PKD1L3: variants seen among roughly 807,000 people sequenced by gnomAD.
PKD1L3 encodes polycystin-1-like protein 3.
In PKD1L3, 239 loss-of-function variants were observed where a neutral mutation model predicts 184.1. That is an observed-to-expected ratio of 1.30 (90% confidence interval 1.17 to 1.45). The LOEUF (loss-of-function observed/expected upper bound fraction) is 1.45, where lower values mean the gene tolerates loss of function less well. PKD1L3 is among the 40% of genes most tolerant of loss of function. The pLI, the probability that PKD1L3 is intolerant of heterozygous loss-of-function variation, is 0.00. For synonymous variants in PKD1L3, 996 were observed against 778.8 expected, an observed-to-expected ratio of 1.28 and a Z score of -4.64; for missense variants, 2,660 against 2,067.2, an observed-to-expected ratio of 1.29 and a Z score of -5.56.
intron 5 of PKD1L3, among the ~76,000 whole-genome samples, chr16:71,984,690 C>T (rs1171452531): frequency 3.9e-5 from 6 of 152,170 alleles, no homozygotes; most frequent in Non-Finnish European, 2.9e-5. Flanking sequence ...AAAACCCTGT[C>T]TCTACTAAAA....
chr16:71,951,488 G>T, intron 19 of PKD1L3, 76 bp downstream of exon 19: 2 of 1,391,508 alleles, frequency 1.4e-6, no homozygotes, highest in South Asian at 1.4e-5. Flanking sequence ...GGTTATGAAT[G>T]AGTAAGAAAG....
At chr16:71,938,841 C>T (rs937899457) in intron 24 of PKD1L3, among the ~76,000 whole-genome samples, 16 of 152,238 alleles carry the variant, frequency 1.1e-4, no homozygotes, top group African/African-American at 3.4e-4. Context: ...CCTCTCTCAC[C>T]CTCCAGTTGT....
chr16:71,943,435 G>C (rs1212270376), intron 23 of PKD1L3, among the ~76,000 whole-genome samples: 1 of 150,804 alleles, frequency 6.6e-6, no homozygotes. Flanking sequence ...CTAACCAGGA[G>C]GCCGAGGTAG....
intron 16 of PKD1L3, among the ~76,000 whole-genome samples, chr16:71,955,611 G>A (rs1007725002): frequency 2.0e-5 from 3 of 151,976 alleles, no homozygotes; most frequent in Non-Finnish European, 4.4e-5. Flanking sequence ...TCCCACCTCA[G>A]TGGTGTGCAG....
intron 10 of PKD1L3, 35 bp downstream of exon 10, chr16:71,978,220 C>T (rs1567537460): frequency 1.3e-6 from 2 of 1,533,278 alleles, no homozygotes; most frequent in Non-Finnish European, 8.8e-7. Flanking sequence ...ATATCCCATT[C>T]TCTTCTATTT....
Position 71,949,818 on chromosome 16 carries a change from C to T in PKD1L3, c.3583G>A (p.Val1195Met). Residue 1195 changes from valine (V) to methionine (M), a missense_variant, in exon 21 of 30, where the codon GTG (valine) becomes ATG (methionine). Val to Met is a conservative substitution (Grantham distance 21). Coordinates refer to ENST00000620267, the MANE Select transcript of PKD1L3 (RefSeq NM_181536.2). Reference sequence around the variant, plus strand: ...TGGCTGATGAAGATGTTCTGAAGCACTGATAAAATAATTGAAATCATCCAG... The same window carrying T: ...TGGCTGATGAAGATGTTCTGAAGCATTGATAAAATAATTGAAATCATCCAG... ...TSWMISIILS[V>M]LQNIFISQPV... The T allele has an allele frequency of 1.9e-6, 3 of 1,551,280 alleles. No individual in the cohort carries two copies. The highest frequency in any genetic ancestry group is 1.2e-5 in the South Asian group (1 of 84,040).
intron 5 of PKD1L3, 87 bp from the exon 6 acceptor site, chr16:71,984,254 C>A: frequency 7.3e-7 from 1 of 1,373,812 alleles, no homozygotes; most frequent in Non-Finnish European, 9.9e-7. Context: ...TCCAAGTTGA[C>A]CTTGGGTAAC....
chr16:71,991,324 C>A, intron 3 of PKD1L3: 1 of 220,878 alleles, frequency 4.5e-6, no homozygotes. Context: ...ACCGAGTCAA[C>A]CACACCCACC....
rs377693934 is a variant in PKD1L3 at position 71,973,386 on chromosome 16, C to T, written c.1891G>A (p.Ala631Thr). Residue 631 changes from alanine (A) to threonine (T), a missense_variant, in exon 12 of 30, where the codon GCC (alanine) becomes ACC (threonine). Physicochemically the swap from Ala to Thr is moderately conservative, Grantham distance 58. Transcript: ENST00000620267. ...QTPSLVSVITAVTQCYYWEIH... is the reference protein window; with the variant it reads ...QTPSLVSVITTVTQCYYWEIH... Reference sequence around the variant, plus strand: ...TCCCAGTAGTAACACTGAGTGACGGCGGTGATGACCGAGACCAAGCTGGGT... The same window carrying T: ...TCCCAGTAGTAACACTGAGTGACGGTGGTGATGACCGAGACCAAGCTGGGT... 9.0e-5 allele frequency: 139 copies of T among 1,551,644 alleles called. No individual in the cohort carries two copies. Among genetic ancestry groups the T allele is most frequent in the Middle Eastern group, 1.7e-4 (1 of 5,984 alleles).
chr16:71,964,134 A>C (rs547720050), intron 15 of PKD1L3, among the ~76,000 whole-genome samples: 7 of 151,984 alleles, frequency 4.6e-5, no homozygotes, highest in African/African-American at 1.7e-4. Context: ...TTTATCACTA[A>C]TTTCTCTGCT....
intron 22 of PKD1L3, among the ~76,000 whole-genome samples, chr16:71,946,449 T>G (rs1567499868): frequency 6.6e-6 from 1 of 152,118 alleles, no homozygotes; most frequent in Admixed American, 6.5e-5. Flanking sequence ...GCATCGTTTT[T>G]ACATGATTAA....
intron 24 of PKD1L3, among the ~76,000 whole-genome samples, chr16:71,941,513 A>C (rs2038359261): frequency 6.6e-6 from 1 of 152,010 alleles, no homozygotes; most frequent in South Asian, 2.1e-4. Context: ...AAATTAACCA[A>C]AAAAATGCAA....
chr16:71,958,441 G>T (rs1200924502), intron 16 of PKD1L3, among the ~76,000 whole-genome samples: 1 of 148,010 alleles, frequency 6.8e-6, no homozygotes, highest in Non-Finnish European at 1.5e-5. Context: ...ACTATTAAAA[G>T]AGCTACTTCA....
intron 24 of PKD1L3, among the ~76,000 whole-genome samples, chr16:71,940,691 G>A (rs1261157223): frequency 6.6e-6 from 1 of 151,832 alleles, no homozygotes; most frequent in African/African-American, 2.4e-5. Flanking sequence ...GTAGATATGG[G>A]GTTTTGCCAA....
rs758410158 is a variant in PKD1L3, at chr16:71,998,358, C to G, written c.332G>C (p.Ser111Thr). The G allele has an allele frequency of 1.3e-6, 2 of 1,551,776 alleles. No homozygotes were observed. The highest frequency in any genetic ancestry group is 2.4e-5 in the South Asian group (2 of 84,050). ...VAANGPPKPL[S>T]CTYLSRNFIR... Reference sequence around the variant, plus strand: ...GAAGTTTCTGGACAGGTAGGTGCAGCTGAGGGGCTTTGGGGGCCCGTTGGC... The same window carrying G: ...GAAGTTTCTGGACAGGTAGGTGCAGGTGAGGGGCTTTGGGGGCCCGTTGGC... The change falls in exon 2 of 30, where the codon AGC (serine) becomes ACC (threonine). Residue 111 changes from serine (S) to threonine (T), a missense_variant. Physicochemically the swap from Ser to Thr is moderately conservative, Grantham distance 58. Coordinates refer to ENST00000620267, the MANE Select transcript of PKD1L3 (RefSeq NM_181536.2).
Position 71,978,403 on chromosome 16 carries a change from C to A in PKD1L3, c.1399-20G>T. 1 of 1,538,774 alleles carries A rather than the reference C, an allele frequency of 6.5e-7. No homozygotes were observed. Among genetic ancestry groups the A allele is most frequent in the Non-Finnish European group, 8.8e-7 (1 of 1,138,930 alleles). ...TGTTATCTAAAGACAAAGAGAAGCCCAGTTTTATCCATTGCTGAAATATTT... is the reference window on the plus strand; with the variant it reads ...TGTTATCTAAAGACAAAGAGAAGCCAAGTTTTATCCATTGCTGAAATATTT... On this transcript the variant is annotated intron_variant, in intron 9 of 29. Transcript: ENST00000620267.
At chr16:71,943,106 TA>T in intron 23 of PKD1L3, 82 bp from the exon 24 acceptor site, 1 of 1,171,166 alleles carries the variant, frequency 8.5e-7, no homozygotes, top group South Asian at 1.6e-5. Flanking sequence ...TTCCTAAGTC[TA>T]TAGACTTATG....
Position 71,938,169 on chromosome 16 carries a change from G to A in PKD1L3, c.4325-750C>T, listed in dbSNP as rs375703467. On this transcript the variant is annotated intron_variant, in intron 24 of 29. Transcript: ENST00000620267. ...CCCCCCTGCCCCTGCAGGTTCAGAA[G>A]TGCCTGCTCCCACTGCATGGCCTCT... Among the ~76,000 whole-genome samples the A allele has an allele frequency of 2.2e-4, 34 of 152,320 alleles. 2 individuals are homozygous for A. The South Asian group carries it at 7.0e-3, about 32-fold the overall frequency.
At chr16:71,943,080 TA>T (rs1414129839) in intron 23 of PKD1L3, 56 bp from the exon 24 acceptor site, 42 of 1,353,526 alleles carry the variant, frequency 3.1e-5, no homozygotes, top group Non-Finnish European at 1.3e-5. Flanking sequence ...AGAAATCCTC[TA>T]TGTCTTTTTC....
Sources: allele counts gnomAD v4.1 joint callset (sites outside exome capture counted in the v4.1 genomes callset), GRCh38; gene constraint gnomAD v4.1.1; transcripts MANE v1.5; gene names NCBI Gene and HGNC (gene_info 2026-07-23, HGNC 2026-07-21).